Variants in CPA4 observed in about 807,000 individuals in gnomAD.
CPA4 encodes carboxypeptidase A3.
CPA4 carries 49 observed loss-of-function variants against 54.7 expected under a neutral mutation model. That is an observed-to-expected ratio of 0.90 (90% CI 0.71 to 1.14). The LOEUF (loss-of-function observed/expected upper bound fraction) is 1.14. Among genes scored for constraint, CPA4 ranks in the 50% most tolerant of loss-of-function variants. The pLI, the probability that CPA4 is intolerant of heterozygous loss-of-function variation, is 0.00. For synonymous variants in CPA4, 215 were observed against 206.8 expected, an observed-to-expected ratio of 1.04 and a Z score of -0.34; for missense variants, 487 against 525.1, an observed-to-expected ratio of 0.93 and a Z score of 0.71.
Position 130,309,737 on chromosome 7 carries a change from C to G in CPA4, c.794-1050C>G, listed in dbSNP as rs59347980. On this transcript the variant is annotated intron_variant, in intron 8 of 10. Coordinates refer to ENST00000222482, the MANE Select transcript of CPA4 (RefSeq NM_016352.4). ...TTCAAATCCAGACAGTTCTCTTTCA[C>G]TGTCCCATGGCTGTACTGATGGGTT... Among the ~76,000 whole-genome samples the G allele has an allele frequency of 5.1e-3, 782 of 152,288 alleles. 5 individuals are homozygous for G. The highest frequency in any genetic ancestry group is 0.018 in the African/African-American group (759 of 41,558).
Position 130,305,842 on chromosome 7 carries a change from G to T in CPA4, c.513G>T (p.Arg171=), listed in dbSNP as rs1793811270. 6.2e-7 allele frequency: 1 copy of T among 1,614,116 alleles called. No individual in the cohort carries two copies. Among genetic ancestry groups the T allele is most frequent in the Non-Finnish European group, 8.5e-7 (1 of 1,179,976 alleles). Residue 171 remains arginine, a synonymous_variant, in exon 6 of 11, where the codon CGG becomes CGT. Coordinates refer to ENST00000222482, the MANE Select transcript of CPA4 (RefSeq NM_016352.4). ...TCAGCACTGGGAAAGGCGTGAGGCG[G>T]CCGGCCGTTTGGCTGAATGCAGGCA... ...LKFSTGKGVR[R]PAVWLNAGIH...
intron 10 of CPA4, among the ~76,000 whole-genome samples, chr7:130,316,985 G>A (rs1204554052): frequency 6.6e-5 from 10 of 151,874 alleles, no homozygotes; most frequent in Admixed American, 5.3e-4. Flanking sequence ...AGAGATAGAA[G>A]GTTGAAAGAG....
chr7:130,294,588 A>G (rs1021780865), intron 1 of CPA4, among the ~76,000 whole-genome samples: 1 of 152,214 alleles, frequency 6.6e-6, no homozygotes, highest in African/African-American at 2.4e-5. Context: ...ATTTCGCAAG[A>G]TACAGACCTC....
At chr7:130,294,114 G>C (rs1203615678) in intron 1 of CPA4, among the ~76,000 whole-genome samples, 1 of 152,012 alleles carries the variant, frequency 6.6e-6, no homozygotes. Flanking sequence ...GCCAGGCAGG[G>C]GTGTTATTTT....
intron 1 of CPA4, among the ~76,000 whole-genome samples, chr7:130,295,148 T>G (rs535601621): frequency 6.6e-6 from 1 of 152,354 alleles, no homozygotes; most frequent in African/African-American, 2.4e-5. Flanking sequence ...CTAAGAGTTC[T>G]ATGAAACCAT....
Position 130,311,936 on chromosome 7 carries a change from G to A in CPA4, c.994-102G>A, listed in dbSNP as rs1375900580. On this transcript the variant is annotated intron_variant, in intron 9 of 10. Transcript: ENST00000222482. The stretch of plus-strand genomic sequence containing the variant: ...AAACAAGGGACCAGAAAGGAAATCG[G>A]GGGGGGCTGAGAATCTTCCAAACCA... 5.9e-6 allele frequency: 5 copies of A among 844,660 alleles called. No homozygotes were observed. In the East Asian group the frequency reaches 1.3e-4, roughly 22 times the overall value. The allele number at this position is 844,660 out of a possible 1,614,324, so 52.3% of individuals were successfully genotyped here.
chr7:130,298,159 G>A (rs1458995394), intron 1 of CPA4, among the ~76,000 whole-genome samples: 1 of 152,090 alleles, frequency 6.6e-6, no homozygotes, highest in African/African-American at 2.4e-5. Flanking sequence ...ACCCAGCCTC[G>A]CCTGTTTTAA....
intron 1 of CPA4, among the ~76,000 whole-genome samples, chr7:130,295,521 G>A (rs7789643): frequency 0.95 from 144,402 of 152,268 alleles, 68,846 homozygotes; most frequent in East Asian, 1. Flanking sequence ...GTGAATTTCT[G>A]GATAGTGGAG....
At chr7:130,295,698 C>A (rs1187956584) in intron 1 of CPA4, among the ~76,000 whole-genome samples, 1 of 152,116 alleles carries the variant, frequency 6.6e-6, no homozygotes, top group African/African-American at 2.4e-5. Context: ...ATAATGCTAC[C>A]GCTGGGTGCA....
chr7:130,308,311 G>C lies in CPA4; in HGVS notation c.707G>C (p.Arg236Pro), dbSNP rs770528255. Residue 236 changes from arginine to proline, a missense_variant, in exon 8 of 11, where the codon CGA becomes CCA. Arg to Pro is a moderately radical substitution (Grantham distance 103, BLOSUM62 -2). Coordinates refer to ENST00000222482, the MANE Select transcript of CPA4 (RefSeq NM_016352.4). Reference sequence around the variant, plus strand: ...CCTCCTTGGTGGCTTTTTCAGAACCGATTATGGAGGAAGACGCGGTCCCGA... The same window carrying C: ...CCTCCTTGGTGGCTTTTTCAGAACCCATTATGGAGGAAGACGCGGTCCCGA... ...DGYVYTQTQN[R>P]LWRKTRSRNP... The C allele has an allele frequency of 1.9e-6, 3 of 1,613,978 alleles. No homozygotes were observed. Among genetic ancestry groups the C allele is most frequent in the African/African-American group, 2.7e-5 (2 of 74,914 alleles).
At chr7:130,311,805 C>G (rs1038878002) in intron 9 of CPA4, among the ~76,000 whole-genome samples, 5 of 152,228 alleles carry the variant, frequency 3.3e-5, no homozygotes, top group African/African-American at 9.6e-5. Context: ...CTCATCTCCT[C>G]CCCCAAACTG....
chr7:130,320,254 C>T (rs1291430725), intron 10 of CPA4, among the ~76,000 whole-genome samples: 1 of 152,112 alleles, frequency 6.6e-6, no homozygotes, highest in Non-Finnish European at 1.5e-5. Flanking sequence ...AGTGTGTTCC[C>T]ATTTTTTGTT....
chr7:130,298,025 G>A (rs1270254066), intron 1 of CPA4, among the ~76,000 whole-genome samples: 1 of 152,172 alleles, frequency 6.6e-6, no homozygotes, highest in African/African-American at 2.4e-5. Flanking sequence ...TCCTTTAAGG[G>A]TCCCCTCTCA....
intron 10 of CPA4, among the ~76,000 whole-genome samples, chr7:130,317,999 C>T (rs1404744512): frequency 6.6e-6 from 1 of 152,170 alleles, no homozygotes; most frequent in Admixed American, 6.5e-5. Context: ...GTTTCAGATG[C>T]CATCAGATGA....
At chr7:130,311,259 G>C (rs547283361) in intron 9 of CPA4, among the ~76,000 whole-genome samples, 1 of 152,284 alleles carries the variant, frequency 6.6e-6, no homozygotes, top group Non-Finnish European at 1.5e-5. Flanking sequence ...ATGTATTGTG[G>C]ACCCACTGCT....
intron 1 of CPA4, among the ~76,000 whole-genome samples, chr7:130,294,170 C>T (rs10264080): frequency 0.023 from 3,558 of 152,194 alleles, 142 homozygotes; most frequent in African/African-American, 0.082. Flanking sequence ...TGTTAAGGAA[C>T]GCGCTCAAGG....
At chr7:130,306,643 G>A in intron 6 of CPA4, 144 bp from the exon 7 acceptor site, 1 of 602,876 alleles carries the variant, frequency 1.7e-6, no homozygotes, top group Non-Finnish European at 2.9e-6. Context: ...GCCTCTGAGG[G>A]TGGCAGGGAG....
intron 3 of CPA4, among the ~76,000 whole-genome samples, chr7:130,300,492 C>T (rs1226233701): frequency 2.0e-5 from 3 of 151,772 alleles, no homozygotes; most frequent in African/African-American, 7.3e-5. Flanking sequence ...CGCACCACCA[C>T]GCCCAGCAAA....
Position 130,296,679 on chromosome 7 carries a change from C to CTTTTTTTTT in CPA4, c.69-2050_69-2042dup, listed in dbSNP as rs369325885. Among the ~76,000 whole-genome samples, 170 of 72,998 alleles carry CTTTTTTTTT rather than the reference C, an allele frequency of 2.3e-3. 22 individuals carry two copies. Among genetic ancestry groups the CTTTTTTTTT allele is most frequent in the Non-Finnish European group, 3.1e-3 (128 of 41,634 alleles). 47.9% of individuals were successfully genotyped at this position (72,998 alleles called of 152,430 possible). A position where few individuals can be genotyped will look rare whatever the true frequency, so the allele number is the denominator to read the frequency against. ...AAGATCTTTCTAGCAGCTCCCCTCA[C>CTTTTTTTTT]TTTTTTTTTTTTTTTTTTTTTTTTT... On this transcript the variant is annotated intron_variant, in intron 1 of 10. Coordinates refer to ENST00000222482, the MANE Select transcript of CPA4 (RefSeq NM_016352.4).
Sources: gnomAD v4.1 joint callset for allele counts (sites outside exome capture counted in the v4.1 genomes callset) on GRCh38, gnomAD v4.1.1 for gene constraint, MANE v1.5 for transcripts, NCBI Gene and HGNC (gene_info 2026-07-23, HGNC 2026-07-21) for gene names.